The following KIRREL3 variants were observed in gnomAD, a reference collection of about 807,000 sequenced individuals.
KIRREL3 encodes kin of IRRE-like protein 3.
KIRREL3 carries 36 observed loss-of-function variants against 89.7 expected under a neutral mutation model. That is an observed-to-expected ratio of 0.40 (90% CI 0.31 to 0.53). The LOEUF (loss-of-function observed/expected upper bound fraction) is 0.53, where lower values mean the gene tolerates loss of function less well. Ranked by LOEUF, KIRREL3 falls within the 20% of genes least tolerant of loss-of-function variation. The pLI, the probability that KIRREL3 is intolerant of heterozygous loss-of-function variation, is 0.49. For synonymous variants in KIRREL3, 445 were observed against 441.4 expected (o/e 1.01, Z -0.10); for missense variants, 864 against 1,056.6 (o/e 0.82, Z 2.53).
At chr11:126,881,348 A>G (rs1181277213) in intron 1 of KIRREL3, among the ~76,000 whole-genome samples, 2 of 152,098 alleles carry the variant, frequency 1.3e-5, no homozygotes, top group Non-Finnish European at 2.9e-5. Context: ...TAAAGGCTGC[A>G]GAGCCCACAA....
Position 126,551,095 on chromosome 11 carries a change from G to A in KIRREL3, c.133+11740C>T, listed in dbSNP as rs77899305. ...CCTATGTTTACAGTTTATTCTAAAG[G>A]ATATTACAAAGAATACAGATGAAGA... On this transcript the variant is annotated intron_variant, in intron 2 of 16. Coordinates refer to ENST00000525144, the MANE Select transcript of KIRREL3 (RefSeq NM_032531.4). The surrounding 1 kb of genome is among the most constrained non-coding windows in gnomAD (Gnocchi z 4.9). Among the ~76,000 whole-genome samples, 1 of 152,144 alleles carries A rather than the reference G, an allele frequency of 6.6e-6. No homozygotes were observed. Among genetic ancestry groups the A allele is most frequent in the Non-Finnish European group, 1.5e-5 (1 of 68,026 alleles).
rs1944965143 is a variant in KIRREL3, at chr11:126,867,526, C to A, written c.55+132929G>T. 6.6e-6 allele frequency among the ~76,000 whole-genome samples: 1 copy of A among 152,234 alleles called. No individual in the cohort carries two copies. The highest frequency in any genetic ancestry group is 6.5e-5 in the Admixed American group (1 of 15,286). The stretch of plus-strand genomic sequence containing the variant: ...CTTTCTGATAAGTCACTTCCCCAAA[C>A]TTCCATAGCACTTCAAGTCAGCAAT... On this transcript the variant is annotated intron_variant, in intron 1 of 16. Coordinates refer to ENST00000525144, the MANE Select transcript of KIRREL3 (RefSeq NM_032531.4). The surrounding 1 kb of genome is among the most constrained non-coding windows in gnomAD (Gnocchi z 4.7).
In KIRREL3 at chr11:126,474,878, C is replaced by T. The variant is rs1453022319; in HGVS notation, c.434-1412G>A. 6.6e-6 allele frequency among the ~76,000 whole-genome samples: 1 copy of T among 152,204 alleles called. No homozygotes were observed. Among genetic ancestry groups the T allele is most frequent in the East Asian group, 1.9e-4 (1 of 5,190 alleles). On this transcript the variant is annotated intron_variant, in intron 4 of 16. Coordinates refer to ENST00000525144, the MANE Select transcript of KIRREL3 (RefSeq NM_032531.4). The surrounding 1 kb of genome is among the most constrained non-coding windows in gnomAD (Gnocchi z 6.7). ...AAGTACCTTGCCTAGGACACAGGGC[C>T]TTTCCCATGCTTGTGCTTGGGGACA...
chr11:126,861,485 G>C (rs1268336654), intron 1 of KIRREL3, among the ~76,000 whole-genome samples: 1 of 152,140 alleles, frequency 6.6e-6, no homozygotes. Flanking sequence ...CCTTCCGTTG[G>C]CTGAACCTAC....
rs534022864 is a variant in KIRREL3, at chr11:126,463,803, G to A, written c.592-496C>T. Among the ~76,000 whole-genome samples, 1 of 152,292 alleles carries A rather than the reference G, an allele frequency of 6.6e-6. No individual in the cohort carries two copies. Among genetic ancestry groups the A allele is most frequent in the Admixed American group, 6.5e-5 (1 of 15,298 alleles). On this transcript the variant is annotated intron_variant, in intron 5 of 16. Coordinates refer to ENST00000525144, the MANE Select transcript of KIRREL3 (RefSeq NM_032531.4). The surrounding 1 kb of genome is among the most constrained non-coding windows in gnomAD (Gnocchi z 5.9). ...GGAGTCAGAGTGGGTGGGGATATGG[G>A]CAGAATCAGTGCACATCAACCTTTC...
Position 126,689,815 on chromosome 11 carries a change from A to G in KIRREL3, c.56-126903T>C, listed in dbSNP as rs2135128294. 6.6e-6 allele frequency among the ~76,000 whole-genome samples: 1 copy of G among 152,350 alleles called. No homozygotes were observed. Among genetic ancestry groups the G allele is most frequent in the South Asian group, 2.1e-4 (1 of 4,828 alleles). On this transcript the variant is annotated intron_variant, in intron 1 of 16. Transcript: ENST00000525144. The surrounding 1 kb of genome is among the most constrained non-coding windows in gnomAD (Gnocchi z 5.2). ...GTATAATCTGCTAGTCAGATTTCAC[A>G]TGGCTGCACAGAGAATCGGTGCCCT...
In KIRREL3 at chr11:126,734,356, T is replaced by A. The variant is rs915222611; in HGVS notation, c.56-171444A>T. Among the ~76,000 whole-genome samples the A allele has an allele frequency of 5.3e-5, 8 of 152,112 alleles. No homozygotes were observed. The highest frequency in any genetic ancestry group is 1.2e-4 in the Non-Finnish European group (8 of 68,016). ...ATTTCCCCCTCTGTTTTTTCAGTGA[T>A]CCATTTGTTTACTTAAGAAATATTT... On this transcript the variant is annotated intron_variant, in intron 1 of 16. Coordinates refer to ENST00000525144, the MANE Select transcript of KIRREL3 (RefSeq NM_032531.4). This position sits in a 1 kb window ranked among gnomAD's most constrained non-coding sequence, Gnocchi z 5.9.
rs190074020 is a variant in KIRREL3, at chr11:126,783,301, C to T, written c.55+217154G>A. ...CATGGCCCTCTTCTCTCTGTGTGTC[C>T]CTCTTCTCTTCTTATGAGGACACTC... On this transcript the variant is annotated intron_variant, in intron 1 of 16. Coordinates refer to ENST00000525144, the MANE Select transcript of KIRREL3 (RefSeq NM_032531.4). This position sits in a 1 kb window ranked among gnomAD's most constrained non-coding sequence, Gnocchi z 4.3. Among the ~76,000 whole-genome samples, 1 of 152,170 alleles carries T rather than the reference C, an allele frequency of 6.6e-6. No individual in the cohort carries two copies. Among genetic ancestry groups the T allele is most frequent in the East Asian group, 1.9e-4 (1 of 5,184 alleles).
rs1958289626 is a variant in KIRREL3, at chr11:126,513,347, T to C, written c.433+7968A>G. Among the ~76,000 whole-genome samples the C allele has an allele frequency of 6.6e-6, 1 of 152,140 alleles. No individual in the cohort carries two copies. The highest frequency in any genetic ancestry group is 1.5e-5 in the Non-Finnish European group (1 of 68,020). ...GGCACTTGGATAGGCAGTGTCGAGC[T>C]TCTGGGCCCCTCCAGAAATCGCTCA... On this transcript the variant is annotated intron_variant, in intron 4 of 16. Coordinates refer to ENST00000525144, the MANE Select transcript of KIRREL3 (RefSeq NM_032531.4). The surrounding 1 kb of genome is among the most constrained non-coding windows in gnomAD (Gnocchi z 5.9).
At chr11:126,895,513 A>G (rs1338712546) in intron 1 of KIRREL3, among the ~76,000 whole-genome samples, 1 of 151,674 alleles carries the variant, frequency 6.6e-6, no homozygotes, top group Non-Finnish European at 1.5e-5. Flanking sequence ...CAGAGAGGGC[A>G]TGAGGGAAGA....
rs1183016375 is a variant in KIRREL3 at position 126,978,946 on chromosome 11, G to A, written c.55+21509C>T. Among the ~76,000 whole-genome samples the A allele has an allele frequency of 6.6e-6, 1 of 152,192 alleles. No homozygotes were observed. The highest frequency in any genetic ancestry group is 2.4e-5 in the African/African-American group (1 of 41,434). ...TTTGGCAGGTTTCCCAGTGTGTACT[G>A]AGAAAACAACAAGGGTTGCCAGAAA... On this transcript the variant is annotated intron_variant, in intron 1 of 16. Coordinates refer to ENST00000525144, the MANE Select transcript of KIRREL3 (RefSeq NM_032531.4). The surrounding 1 kb of genome is among the most constrained non-coding windows in gnomAD (Gnocchi z 4.2).
In KIRREL3 at chr11:126,869,359, C is replaced by T. The variant is rs140307677; in HGVS notation, c.55+131096G>A. On this transcript the variant is annotated intron_variant, in intron 1 of 16. Transcript: ENST00000525144. ...ACTCATGACTTGCTGGATAAGGAAC[C>T]GTTGCTGCCTACCTTCACTCCCTGT... Among the ~76,000 whole-genome samples the T allele has an allele frequency of 2.7e-4, 41 of 152,130 alleles. 1 individual carries two copies. In the East Asian group the frequency reaches 3.3e-3, roughly 12 times the overall value.
Position 126,526,455 on chromosome 11 carries a change from G to C in KIRREL3, c.283+83C>G. The C allele has an allele frequency of 7.4e-7, 1 of 1,358,206 alleles. No homozygotes were observed. The highest frequency in any genetic ancestry group is 1.0e-6 in the Non-Finnish European group (1 of 984,636). The allele number at this position is 1,358,206 out of a possible 1,614,324, so 84.1% of individuals were successfully genotyped here. ...GATTCGATACTCAGACACCTGTGAA[G>C]ATGGGTGCTCCCTAGGAAGGTGGAT... is the stretch of plus-strand genomic sequence containing the variant. On this transcript the variant is annotated intron_variant, in intron 3 of 16. Transcript: ENST00000525144. The surrounding 1 kb of genome is among the most constrained non-coding windows in gnomAD (Gnocchi z 5.7).
chr11:126,877,693 A>T lies in KIRREL3; in HGVS notation c.55+122762T>A, dbSNP rs1481424059. 3.9e-5 allele frequency among the ~76,000 whole-genome samples: 6 copies of T among 152,220 alleles called. No individual in the cohort carries two copies. Among genetic ancestry groups the T allele is most frequent in the African/African-American group, 1.4e-4 (6 of 41,454 alleles). On this transcript the variant is annotated intron_variant, in intron 1 of 16. Transcript: ENST00000525144. The surrounding 1 kb of genome is among the most constrained non-coding windows in gnomAD (Gnocchi z 4.9). Reference sequence around the variant, plus strand: ...TGGTGCATGTGCAAGTATAATTTTGAACAGGGAGAGAACTTAGTTGAATTG... The same window carrying T: ...TGGTGCATGTGCAAGTATAATTTTGTACAGGGAGAGAACTTAGTTGAATTG...
At chr11:126,992,268 C>A (rs183469656) in intron 1 of KIRREL3, among the ~76,000 whole-genome samples, 4 of 152,176 alleles carry the variant, frequency 2.6e-5, no homozygotes, top group Non-Finnish European at 4.4e-5. Context: ...AGGTTTTGGA[C>A]GTCATCTAGT....
chr11:126,611,307 T>G lies in KIRREL3; in HGVS notation c.56-48395A>C, dbSNP rs1037394446. On this transcript the variant is annotated intron_variant, in intron 1 of 16. Coordinates refer to ENST00000525144, the MANE Select transcript of KIRREL3 (RefSeq NM_032531.4). The surrounding 1 kb of genome is among the most constrained non-coding windows in gnomAD (Gnocchi z 4.7). ...CCTCTCCCATTCCTTTCCTTCTCAA[T>G]TCTATTGACATTTTTGGTGTCTAAC... Among the ~76,000 whole-genome samples, 2 of 152,200 alleles carry G rather than the reference T, an allele frequency of 1.3e-5. No homozygotes were observed. The highest frequency in any genetic ancestry group is 4.8e-5 in the African/African-American group (2 of 41,456).
At chr11:126,458,023 G>A (rs139581372) in intron 6 of KIRREL3, among the ~76,000 whole-genome samples, 227 of 152,114 alleles carry the variant, frequency 1.5e-3, no homozygotes, top group African/African-American at 5.1e-3. Context: ...CCCAGGCCTC[G>A]GCACCCCCGG....
intron 1 of KIRREL3, among the ~76,000 whole-genome samples, chr11:126,679,942 CT>C (rs1321195482): frequency 1.3e-5 from 2 of 152,162 alleles, no homozygotes; most frequent in African/African-American, 4.8e-5. Context: ...CATCTCATAG[CT>C]TTTGAGTACA....
At position 126,569,113 on chromosome 11, in the gene KIRREL3, G is replaced by C. The variant is rs1029123030; in HGVS notation, c.56-6201C>G. 6.6e-6 allele frequency among the ~76,000 whole-genome samples: 1 copy of C among 152,088 alleles called. No homozygotes were observed. Among genetic ancestry groups the C allele is most frequent in the Non-Finnish European group, 1.5e-5 (1 of 68,028 alleles). ...TGACAGAGTGGGTCAAGCAGAGGAAGAGGGCAAGGATGACCCCAGTGTCTT... is the reference window on the plus strand; with the variant it reads ...TGACAGAGTGGGTCAAGCAGAGGAACAGGGCAAGGATGACCCCAGTGTCTT... On this transcript the variant is annotated intron_variant, in intron 1 of 16. Coordinates refer to ENST00000525144, the MANE Select transcript of KIRREL3 (RefSeq NM_032531.4). This position sits in a 1 kb window ranked among gnomAD's most constrained non-coding sequence, Gnocchi z 6.5.
Sources: gnomAD v4.1 joint callset for allele counts (sites outside exome capture counted in the v4.1 genomes callset) on GRCh38, gnomAD v4.1.1 for gene constraint, Gnocchi (gnomAD v3.1) non-coding constraint, MANE v1.5 for transcripts, NCBI Gene and HGNC (gene_info 2026-07-23, HGNC 2026-07-21) for gene names.